UTRN: variants seen among roughly 807,000 people sequenced by gnomAD.
UTRN encodes dystrophin-related protein 1.
In UTRN, 283 loss-of-function variants were observed where a neutral mutation model predicts 463.9. The observed-to-expected ratio is 0.61, with a 90% confidence interval of 0.55 to 0.67. The LOEUF is 0.67. UTRN is among the 30% of genes least tolerant of loss of function. The probability of loss-of-function intolerance (pLI) is 0.00; values close to 1 mark genes in which losing one functional copy is unlikely to be tolerated. For synonymous variants in UTRN, 1,442 were observed against 1,431.5 expected (o/e 1.01, Z -0.17); for missense variants, 3,922 against 4,084.3 (o/e 0.96, Z 1.08).
intron 52 of UTRN, among the ~76,000 whole-genome samples, chr6:144,683,937 T>G (rs900181157): frequency 2.0e-5 from 3 of 152,226 alleles, no homozygotes; most frequent in African/African-American, 7.2e-5. Flanking sequence ...CAACATCTCC[T>G]TAGAAGTGAA....
At chr6:144,470,898 C>T (rs990199867) in intron 23 of UTRN, among the ~76,000 whole-genome samples, 7 of 151,632 alleles carry the variant, frequency 4.6e-5, no homozygotes, top group South Asian at 2.1e-4. Context: ...TGGCGGCGCG[C>T]ACCTGCGATC....
chr6:144,638,181 A>G (rs1365409397), intron 51 of UTRN, among the ~76,000 whole-genome samples: 3 of 152,222 alleles, frequency 2.0e-5, no homozygotes, highest in African/African-American at 7.2e-5. Flanking sequence ...CACTGTTTTA[A>G]AAAAACCACT....
intron 52 of UTRN, among the ~76,000 whole-genome samples, chr6:144,685,024 C>T (rs563943836): frequency 6.6e-6 from 1 of 152,168 alleles, no homozygotes; most frequent in African/African-American, 2.4e-5. Context: ...CCCTCACTGC[C>T]TTGGTAACCT....
At chr6:144,800,359 C>T (rs1777597743) in intron 64 of UTRN, among the ~76,000 whole-genome samples, 1 of 152,022 alleles carries the variant, frequency 6.6e-6, no homozygotes, top group Non-Finnish European at 1.5e-5. Context: ...TATGAAAGAG[C>T]AATTATAAAG....
At chr6:144,765,298 GT>G (rs1793174833) in intron 58 of UTRN, among the ~76,000 whole-genome samples, 2 of 152,194 alleles carry the variant, frequency 1.3e-5, no homozygotes, top group African/African-American at 4.8e-5. Flanking sequence ...TGTTCTAGTA[GT>G]CATACATGCA....
intron 2 of UTRN, among the ~76,000 whole-genome samples, chr6:144,380,951 C>A (rs955288294): frequency 3.3e-5 from 5 of 152,168 alleles, no homozygotes; most frequent in African/African-American, 1.2e-4. Flanking sequence ...AAGTGAGGCA[C>A]CTTGCCCTCT....
At chr6:144,622,465 G>A (rs1010225070) in intron 51 of UTRN, among the ~76,000 whole-genome samples, 2 of 152,094 alleles carry the variant, frequency 1.3e-5, no homozygotes, top group African/African-American at 4.8e-5. Flanking sequence ...GGGATTACAG[G>A]TGTGAGCCAC....
intron 65 of UTRN, among the ~76,000 whole-genome samples, chr6:144,811,849 G>A (rs1021115330): frequency 1.3e-5 from 2 of 152,162 alleles, no homozygotes; most frequent in South Asian, 2.1e-4. Context: ...CTATATTTAA[G>A]AAGTAACTCT....
Position 144,493,717 on chromosome 6 carries a change from C to A in UTRN, c.4593+261C>A, listed in dbSNP as rs147039463. Among the ~76,000 whole-genome samples, 619 of 152,238 alleles carry A rather than the reference C, an allele frequency of 4.1e-3. 1 individual carries two copies. The highest frequency in any genetic ancestry group is 6.7e-3 in the Non-Finnish European group (458 of 68,018). ...AGGCACAGTGGCTCACGCCTGTAAT[C>A]CCAGGTCTTTGGGAGGCTGAGTCAG... On this transcript the variant is annotated intron_variant, in intron 33 of 74. Transcript: ENST00000367545.
intron 71 of UTRN, chr6:144,837,217 T>G (rs1781176792): frequency 6.6e-6 from 1 of 152,456 alleles, no homozygotes; most frequent in African/African-American, 2.4e-5. Flanking sequence ...ACCTACTAAA[T>G]TGATTCTATA....
chr6:144,365,969 C>G (rs1779468769), intron 2 of UTRN, among the ~76,000 whole-genome samples: 1 of 152,184 alleles, frequency 6.6e-6, no homozygotes, highest in Admixed American at 6.5e-5. Flanking sequence ...AACTCCTGAC[C>G]TCAGGTGTTC....
intron 2 of UTRN, among the ~76,000 whole-genome samples, chr6:144,359,515 C>T (rs1778851908): frequency 1.3e-5 from 2 of 152,162 alleles, no homozygotes; most frequent in African/African-American, 2.4e-5. Context: ...ATACGCCCTT[C>T]AGAGGACTGT....
At chr6:144,748,828 C>A (rs1160064904) in intron 55 of UTRN, among the ~76,000 whole-genome samples, 3 of 151,688 alleles carry the variant, frequency 2.0e-5, no homozygotes, top group Non-Finnish European at 4.4e-5. Context: ...ATTTTTAATC[C>A]CCAGATTTCC....
chr6:144,846,690 G>A (rs939658592), intron 73 of UTRN, 115 bp from the exon 74 acceptor site: 35 of 1,378,566 alleles, frequency 2.5e-5, no homozygotes, highest in Non-Finnish European at 2.1e-5. Flanking sequence ...TTTAACAACT[G>A]GGCTATTATT....
At chr6:144,616,675 A>G (rs952169921) in intron 51 of UTRN, among the ~76,000 whole-genome samples, 3 of 152,094 alleles carry the variant, frequency 2.0e-5, no homozygotes, top group African/African-American at 7.2e-5. Flanking sequence ...TAGTTATTTA[A>G]TAGCCTCTAA....
intron 68 of UTRN, among the ~76,000 whole-genome samples, chr6:144,828,581 C>A (rs374106757): frequency 6.6e-6 from 1 of 151,978 alleles, no homozygotes; most frequent in Admixed American, 6.6e-5. Context: ...TACAACATGG[C>A]GTAAGATAAA....
At chr6:144,347,934 C>A (rs1211380771) in intron 2 of UTRN, among the ~76,000 whole-genome samples, 1 of 150,834 alleles carries the variant, frequency 6.6e-6, no homozygotes, top group Non-Finnish European at 1.5e-5. Flanking sequence ...GCCTTGACCT[C>A]CCAGGCTCAA....
At chr6:144,789,054 A>C in intron 61 of UTRN, 140 bp from the exon 62 acceptor site, 1 of 669,298 alleles carries the variant, frequency 1.5e-6, no homozygotes, top group East Asian at 2.7e-5. Flanking sequence ...TTAATTGTTA[A>C]AAGTTAATAG....
rs1213411581 is a variant in UTRN at position 144,423,608 on chromosome 6, G to A, written c.294G>A (p.Gln98=). ...HALNNVNRVL[Q]VLHQNNVELV... is the part of the protein sequence containing the mutation. The stretch of plus-strand genomic sequence containing the variant: ...TAAATAACGTCAACAGAGTGCTGCA[G>A]GTTTTACATCAGAACAATGTAAGTG... The change falls in exon 5 of 75, where the codon CAG becomes CAA. Residue 98 remains glutamine, a synonymous_variant. Transcript: ENST00000367545. 1 of 1,614,122 alleles carries A rather than the reference G, an allele frequency of 6.2e-7. No individual in the cohort carries two copies. The highest frequency in any genetic ancestry group is 1.7e-5 in the Admixed American group (1 of 60,012).
Sources: gnomAD v4.1 joint callset for allele counts (sites outside exome capture counted in the v4.1 genomes callset) on GRCh38, gnomAD v4.1.1 for gene constraint, MANE v1.5 for transcripts, NCBI Gene and HGNC (gene_info 2026-07-23, HGNC 2026-07-21) for gene names.